Variants in LRRC38 observed in about 807,000 individuals in gnomAD.
LRRC38 encodes leucine rich repeat containing 38.
Under a neutral mutation model 16.4 loss-of-function variants are expected in LRRC38, and 5 were observed. The observed-to-expected ratio is 0.31, with a 90% confidence interval of 0.16 to 0.64. The LOEUF is 0.64. Among genes scored for constraint, LRRC38 ranks in the 30% least tolerant of loss-of-function variants. The pLI is 0.80. For synonymous variants in LRRC38, 191 were observed against 190.2 expected, an observed-to-expected ratio of 1.00 and a Z score of -0.04; for missense variants, 341 against 401.8, an observed-to-expected ratio of 0.85 and a Z score of 1.29.
intron 1 of LRRC38, among the ~76,000 whole-genome samples, chr1:13,508,568 A>G (rs1639238369): frequency 6.6e-6 from 1 of 152,246 alleles, no homozygotes; most frequent in Non-Finnish European, 1.5e-5. Flanking sequence ...ATAAAACTAG[A>G]ATAAAATATA....
chr1:13,498,907 C>T (rs1407744258), intron 1 of LRRC38, among the ~76,000 whole-genome samples: 1 of 152,150 alleles, frequency 6.6e-6, no homozygotes, highest in Non-Finnish European at 1.5e-5. Context: ...TCCAGGCCTC[C>T]CCACTGGCTC....
chr1:13,488,297 C>CCTGCT (rs551445457), intron 1 of LRRC38, among the ~76,000 whole-genome samples: 77 of 147,848 alleles, frequency 5.2e-4, no homozygotes, highest in African/African-American at 1.8e-3. Context: ...GAGACAGAGT[C>CCTGCT]CTGCTCTGTC....
chr1:13,491,478 G>T (rs1639012067), intron 1 of LRRC38, among the ~76,000 whole-genome samples: 1 of 152,010 alleles, frequency 6.6e-6, no homozygotes, highest in Non-Finnish European at 1.5e-5. Context: ...AGTCATGTGT[G>T]ACCCCACTCC....
chr1:13,513,251 T>G lies in LRRC38; in HGVS notation c.343A>C (p.Asn115His), dbSNP rs1400341480. The G allele has an allele frequency of 3.2e-6, 5 of 1,550,270 alleles. No individual in the cohort carries two copies. The East Asian group carries it at 1.2e-4, about 38-fold the overall frequency. The change falls in exon 1 of 2, where the codon AAC becomes CAC. Residue 115 changes from asparagine (N) to histidine (H), a missense_variant. Physicochemically the swap from Asn to His is moderately conservative, Grantham distance 68. Transcript: ENST00000376085. Reference protein sequence around the residue: ...KLVFLDLSYNNLTQLGAGAFR... With the variant: ...KLVFLDLSYNHLTQLGAGAFR... ...GCGCCGGCGCCCAGCTGGGTCAAGTTGTTGTAGCTGAGGTCGAGGAACACG... is the reference window on the plus strand; with the variant it reads ...GCGCCGGCGCCCAGCTGGGTCAAGTGGTTGTAGCTGAGGTCGAGGAACACG...
At chr1:13,512,847 C>T in intron 1 of LRRC38, 116 bp downstream of exon 1, 2 of 1,104,696 alleles carry the variant, frequency 1.8e-6, no homozygotes, top group Non-Finnish European at 1.3e-6. Context: ...AGTTCAGGAT[C>T]CCCCAAGCCT....
chr1:13,497,449 A>G (rs1182958709), intron 1 of LRRC38, among the ~76,000 whole-genome samples: 2 of 152,028 alleles, frequency 1.3e-5, no homozygotes, highest in African/African-American at 4.8e-5. Context: ...GAGAGACTCT[A>G]GTTTCTGATG....
intron 1 of LRRC38, among the ~76,000 whole-genome samples, chr1:13,501,260 A>T (rs354575): frequency 0.7 from 106,485 of 151,742 alleles, 37,515 homozygotes; most frequent in Middle Eastern, 0.79. Flanking sequence ...TATATAGTAC[A>T]TATGTATTTA....
intron 1 of LRRC38, among the ~76,000 whole-genome samples, chr1:13,498,334 A>C (rs973902799): frequency 1.3e-5 from 2 of 152,138 alleles, no homozygotes; most frequent in Non-Finnish European, 2.9e-5. Context: ...GATATTATAA[A>C]ATCTGAAGGC....
At chr1:13,509,289 G>A (rs962751798) in intron 1 of LRRC38, among the ~76,000 whole-genome samples, 7 of 152,110 alleles carry the variant, frequency 4.6e-5, no homozygotes, top group Non-Finnish European at 7.4e-5. Flanking sequence ...AGCTAGAAAG[G>A]GAGGTGCAAG....
intron 1 of LRRC38, among the ~76,000 whole-genome samples, chr1:13,488,032 T>TGTGTGTGTGTG (rs1638959097): frequency 2.7e-5 from 4 of 147,204 alleles, no homozygotes; most frequent in Non-Finnish European, 4.5e-5. Flanking sequence ...TTGTGTGTGT[T>TGTGTGTGTGTG]TGTGTGTGTG....
intron 1 of LRRC38, among the ~76,000 whole-genome samples, chr1:13,488,687 A>C (rs1478654830): frequency 6.6e-6 from 1 of 152,202 alleles, no homozygotes; most frequent in Non-Finnish European, 1.5e-5. Context: ...TCAATCTGAT[A>C]AGCCATGAAA....
intron 1 of LRRC38, among the ~76,000 whole-genome samples, chr1:13,493,467 C>T (rs921849140): frequency 6.6e-6 from 1 of 152,142 alleles, no homozygotes; most frequent in Non-Finnish European, 1.5e-5. Flanking sequence ...AGATCCAGGC[C>T]GACCCCCTAA....
intron 1 of LRRC38, among the ~76,000 whole-genome samples, chr1:13,507,272 C>T (rs1463762816): frequency 1.3e-5 from 2 of 152,134 alleles, no homozygotes; most frequent in African/African-American, 2.4e-5. Flanking sequence ...AGGTGACACC[C>T]CAGTGACTCA....
At chr1:13,495,742 C>G (rs1488400204) in intron 1 of LRRC38, among the ~76,000 whole-genome samples, 1 of 152,098 alleles carries the variant, frequency 6.6e-6, no homozygotes, top group Non-Finnish European at 1.5e-5. Flanking sequence ...TCATTACCTC[C>G]CAAAGGCAGC....
intron 1 of LRRC38, among the ~76,000 whole-genome samples, chr1:13,494,679 AG>A (rs1351257100): frequency 6.6e-6 from 1 of 152,164 alleles, no homozygotes; most frequent in Non-Finnish European, 1.5e-5. Flanking sequence ...ATGCAATATG[AG>A]GGGAGCAGTG....
chr1:13,495,620 A>G (rs1265841860), intron 1 of LRRC38, among the ~76,000 whole-genome samples: 1 of 152,016 alleles, frequency 6.6e-6, no homozygotes, highest in Non-Finnish European at 1.5e-5. Context: ...AGAAAGAATC[A>G]CAGGACTCAA....
intron 1 of LRRC38, among the ~76,000 whole-genome samples, chr1:13,483,141 T>TA (rs1213054589): frequency 6.6e-6 from 1 of 151,790 alleles, no homozygotes; most frequent in African/African-American, 2.4e-5. Context: ...CTTTTTTTTT[T>TA]AATTTTATTA....
intron 1 of LRRC38, among the ~76,000 whole-genome samples, chr1:13,504,765 AAGGG>A (rs1557504555): frequency 7.7e-5 from 6 of 77,664 alleles, no homozygotes; most frequent in African/African-American, 3.1e-4. Flanking sequence ...AGGGGAGGGG[AAGGG>A]AGGGAAGGGG....
intron 1 of LRRC38, among the ~76,000 whole-genome samples, chr1:13,505,897 G>A (rs1176308579): frequency 7.3e-6 from 1 of 137,150 alleles, no homozygotes; most frequent in East Asian, 2.9e-4. Flanking sequence ...GCCTGGGTGG[G>A]GAAGGGGCAG....
Sources: allele counts gnomAD v4.1 joint callset (sites outside exome capture counted in the v4.1 genomes callset), GRCh38; gene constraint gnomAD v4.1.1; transcripts MANE v1.5; gene names NCBI Gene and HGNC (gene_info 2026-07-23, HGNC 2026-07-21).